Variants in SDC3 observed in about 807,000 individuals in gnomAD.
The protein encoded by SDC3 is syndecan-3.
SDC3 carries 13 observed loss-of-function variants against 24.4 expected under a neutral mutation model. The ratio of observed to expected loss-of-function variants is 0.53; its 90% CI spans 0.35 to 0.85. The LOEUF (loss-of-function observed/expected upper bound fraction) is 0.85. Among genes scored for constraint, SDC3 ranks in the 40% least tolerant of loss-of-function variants. SDC3 has a pLI of 0.01. For synonymous variants in SDC3, 295 were observed against 260.9 expected (o/e 1.13, Z -1.26); for missense variants, 571 against 584.5 (o/e 0.98, Z 0.24).
At chr1:30,877,220 A>C (rs1312737820) in intron 2 of SDC3, 55 bp from the exon 3 acceptor site, 1 of 1,609,376 alleles carries the variant, frequency 6.2e-7, no homozygotes, top group Non-Finnish European at 8.5e-7. Context: ...TGTGAGGGGC[A>C]TGAGGATCCC....
In SDC3 at chr1:30,877,033, G is replaced by C. The variant is rs768739693; in HGVS notation, c.389C>G (p.Pro130Arg). The C allele has an allele frequency of 6.2e-7, 1 of 1,613,790 alleles. No individual in the cohort carries two copies. Among genetic ancestry groups the C allele is most frequent in the Non-Finnish European group, 8.5e-7 (1 of 1,179,990 alleles). ...QPVGTPFEELPSERPTLEPAT... is the reference protein window; with the variant it reads ...QPVGTPFEELRSERPTLEPAT... ...TGGCTCCAGGGTGGGGCGCTCAGAG[G>C]GGAGCTCTTCAAATGGTGTGCCCAC... The change falls in exon 3 of 5, where the codon CCC becomes CGC. Residue 130 changes from proline to arginine, a missense_variant. Coordinates refer to ENST00000339394, the MANE Select transcript of SDC3 (RefSeq NM_014654.4).
At chr1:30,891,730 GTA>G (rs1174969661) in intron 1 of SDC3, among the ~76,000 whole-genome samples, 1 of 151,928 alleles carries the variant, frequency 6.6e-6, no homozygotes, top group Non-Finnish European at 1.5e-5. Flanking sequence ...GCGCACACCT[GTA>G]ATCCCAGCTA....
chr1:30,887,115 G>A (rs1372585185), intron 1 of SDC3, among the ~76,000 whole-genome samples: 2 of 152,106 alleles, frequency 1.3e-5, no homozygotes, highest in Non-Finnish European at 2.9e-5. Context: ...CTGAAAGCCT[G>A]GGAGTGAGTA....
chr1:30,877,004 T>A lies in SDC3; in HGVS notation c.418A>T (p.Thr140Ser). Residue 140 changes from threonine to serine, a missense_variant, in exon 3 of 5, where the codon ACC becomes TCC. By Grantham distance (58) the Thr-to-Ser change is moderately conservative (BLOSUM62 1). Around this residue, in one of 2 missense-constraint regions of SDC3, gnomAD observed 497 missense variants for 471.6 expected, o/e 1.05. Coordinates refer to ENST00000339394, the MANE Select transcript of SDC3 (RefSeq NM_014654.4). ...ACTTCTGTCACCACCAGGGGGCTGG[T>A]GGCTGGCTCCAGGGTGGGGCGCTCA... ...PSERPTLEPA[T>S]SPLVVTEVPE... 6.2e-7 allele frequency: 1 copy of A among 1,613,740 alleles called. No homozygotes were observed.
At chr1:30,895,404 G>A (rs527469832) in intron 1 of SDC3, among the ~76,000 whole-genome samples, 3 of 152,178 alleles carry the variant, frequency 2.0e-5, no homozygotes, top group Non-Finnish European at 4.4e-5. Context: ...CCCCAGCTCC[G>A]CAGCTCACAT....
rs544989753 is a variant in SDC3 at position 30,883,285 on chromosome 1, G to A, written c.139-4545C>T. ...TCAGCAGGCTGGGGGCCAGGAGCCCGGCACCCCTGTGCAGCGCTAATCATG... is the reference window on the plus strand; with the variant it reads ...TCAGCAGGCTGGGGGCCAGGAGCCCAGCACCCCTGTGCAGCGCTAATCATG... On this transcript the variant is annotated intron_variant, in intron 1 of 4. Transcript: ENST00000339394. 1.1e-4 allele frequency among the ~76,000 whole-genome samples: 17 copies of A among 152,310 alleles called. No individual in the cohort carries two copies. The South Asian group carries it at 2.1e-3, about 19-fold the overall frequency.
intron 1 of SDC3, among the ~76,000 whole-genome samples, chr1:30,905,342 C>T (rs59177488): frequency 4.0e-5 from 3 of 74,574 alleles, no homozygotes; most frequent in Non-Finnish European, 7.9e-5. Context: ...CATCCGTACT[C>T]TCTCTCTCTC....
At chr1:30,874,023 A>G (rs1639587335) in intron 4 of SDC3, among the ~76,000 whole-genome samples, 1 of 152,122 alleles carries the variant, frequency 6.6e-6, no homozygotes, top group African/African-American at 2.4e-5. Context: ...GAAAGCAGGG[A>G]TCAAAGTCAG....
intron 1 of SDC3, among the ~76,000 whole-genome samples, chr1:30,890,343 T>G (rs1435765282): frequency 6.6e-6 from 1 of 152,168 alleles, no homozygotes; most frequent in East Asian, 1.9e-4. Context: ...GATACTACAG[T>G]GTGGATGAAC....
At chr1:30,894,421 TGAGTGTGTGCATTGA>T in intron 1 of SDC3, among the ~76,000 whole-genome samples, 1 of 58,630 alleles carries the variant, frequency 1.7e-5, no homozygotes, top group African/African-American at 7.9e-5. Flanking sequence ...TGTGTGGGGG[TGAGTGTGTGCATTGA>T]GTGTGTGGAT....
intron 4 of SDC3, among the ~76,000 whole-genome samples, chr1:30,873,996 C>CA (rs1639586771): frequency 6.6e-6 from 1 of 151,978 alleles, no homozygotes; most frequent in Non-Finnish European, 1.5e-5. Flanking sequence ...CCCAGGGGGT[C>CA]AGCCAGTGTG....
intron 1 of SDC3, among the ~76,000 whole-genome samples, chr1:30,907,534 C>T (rs770354751): frequency 6.6e-6 from 1 of 152,068 alleles, no homozygotes; most frequent in Non-Finnish European, 1.5e-5. Context: ...ACACGCCCAC[C>T]AGAGGTCTTT....
In SDC3 at chr1:30,869,978, G is replaced by A. The variant is rs778540651; in HGVS notation, c.*3233C>T. ...ATGGCAACTCCCAGGGCCCAGTCTC[G>A]ATGCCTCTGTAAATCTGTACAGTTT... is the stretch of plus-strand genomic sequence containing the variant. On this transcript the variant is annotated 3_prime_UTR_variant, in exon 5 of 5. Coordinates refer to ENST00000339394, the MANE Select transcript of SDC3 (RefSeq NM_014654.4). 2.0e-5 allele frequency: 8 copies of A among 398,174 alleles called. No homozygotes were observed. The highest frequency in any genetic ancestry group is 3.5e-5 in the Non-Finnish European group (8 of 226,072). The allele number at this position is 398,174 out of a possible 1,614,324, so 24.7% of individuals were successfully genotyped here.
intron 1 of SDC3, among the ~76,000 whole-genome samples, chr1:30,902,818 C>T (rs977756674): frequency 6.6e-6 from 1 of 152,242 alleles, no homozygotes; most frequent in Non-Finnish European, 1.5e-5. Context: ...CGGGCACATG[C>T]CTTGCATGCA....
At chr1:30,878,399 A>T (rs1639684576) in intron 2 of SDC3, 1 of 500,442 alleles carries the variant, frequency 2.0e-6, no homozygotes, top group African/African-American at 1.9e-5. Flanking sequence ...GACCCTGGAG[A>T]CCTGGACATT....
chr1:30,879,561 A>C (rs1569998597), intron 1 of SDC3, among the ~76,000 whole-genome samples: 1 of 152,048 alleles, frequency 6.6e-6, no homozygotes, highest in Admixed American at 6.5e-5. Context: ...CACAACCTGA[A>C]CCAGCCAACC....
In SDC3 at chr1:30,899,832, C is replaced by T. The variant is rs146659200; in HGVS notation, c.138+8617G>A. 3.2e-3 allele frequency among the ~76,000 whole-genome samples: 487 copies of T among 152,290 alleles called. 5 individuals are homozygous for T. Among genetic ancestry groups the T allele is most frequent in the Admixed American group, 5.0e-3 (76 of 15,302 alleles). ...TGAAGCAAGACATGGCCAGACAAGA[C>T]ATAGGACACACACGACACAACTGAA... On this transcript the variant is annotated intron_variant, in intron 1 of 4. Coordinates refer to ENST00000339394, the MANE Select transcript of SDC3 (RefSeq NM_014654.4).
At chr1:30,898,850 A>G (rs1175425288) in intron 1 of SDC3, among the ~76,000 whole-genome samples, 1 of 152,222 alleles carries the variant, frequency 6.6e-6, no homozygotes, top group African/African-American at 2.4e-5. Flanking sequence ...CAGAGAGGGA[A>G]CAGGCTGCCT....
intron 1 of SDC3, among the ~76,000 whole-genome samples, chr1:30,906,710 G>A (rs1297590759): frequency 1.3e-5 from 2 of 152,154 alleles, no homozygotes; most frequent in Non-Finnish European, 2.9e-5. Context: ...ACAACCAAGG[G>A]TCAGAGAAGT....
Sources: allele counts gnomAD v4.1 joint callset (sites outside exome capture counted in the v4.1 genomes callset), GRCh38; gene constraint gnomAD v4.1.1; regional missense constraint gnomAD v4.1.1; transcripts MANE v1.5; gene names NCBI Gene and HGNC (gene_info 2026-07-23, HGNC 2026-07-21).